TRIM66: variants seen among roughly 807,000 people sequenced by gnomAD.
TRIM66 encodes the protein tripartite motif-containing protein 66.
Under a neutral mutation model 148.2 loss-of-function variants are expected in TRIM66, and 99 were observed. That is an observed-to-expected ratio of 0.67 (90% CI 0.57 to 0.79). The LOEUF is 0.79. Among genes scored for constraint, TRIM66 ranks in the 30% least tolerant of loss-of-function variants. The pLI, the probability that TRIM66 is intolerant of heterozygous loss-of-function variation, is 0.00. For missense variants in TRIM66, 1,666 were observed against 1,697.9 expected (o/e 0.98, Z 0.33); for synonymous variants, 616 against 635.9 (o/e 0.97, Z 0.47).
At chr11:8,675,236 C>T (rs2039120578) in intron 3 of TRIM66, among the ~76,000 whole-genome samples, 1 of 152,206 alleles carries the variant, frequency 6.6e-6, no homozygotes, top group African/African-American at 2.4e-5. Context: ...CATTGAGAAG[C>T]TGCCAAATTC....
chr11:8,683,120 G>T (rs1315805115), upstream of TRIM66: 5 of 1,408,324 alleles, frequency 3.6e-6, no homozygotes, highest in Admixed American at 5.0e-5. Context: ...TGACCCACAG[G>T]CTTACAGGAC....
In TRIM66 at chr11:8,624,360, T is replaced by C. The variant is rs1373670897; in HGVS notation, c.3018A>G (p.Lys1006=). Residue 1006 remains lysine (K), a splice_region_variant and synonymous_variant, in exon 17 of 25, where the codon AAA becomes AAG. Coordinates refer to ENST00000646038, the MANE Select transcript of TRIM66 (RefSeq NM_001388022.1). ...AAGGGCAGGCTGCTTGAGTCTCACCTTTTGGGTTCTGGTACTGCTGCAGAG... is the reference window on the plus strand; with the variant it reads ...AAGGGCAGGCTGCTTGAGTCTCACCCTTTGGGTTCTGGTACTGCTGCAGAG... ...STALQQYQNP[K]ECENFEQGAL... 1 of 1,549,888 alleles carries C rather than the reference T, an allele frequency of 6.5e-7. No individual in the cohort carries two copies.
chr11:8,644,736 T>C (rs2036701216), intron 12 of TRIM66, among the ~76,000 whole-genome samples: 1 of 152,218 alleles, frequency 6.6e-6, no homozygotes, highest in Admixed American at 6.5e-5. Context: ...GGCTATGTTT[T>C]TATTTTTCTT....
rs1403526661 is a variant in TRIM66, at chr11:8,649,886, T to C, written c.446A>G (p.Asn149Ser). ...CCTCTTCTCCTTGCACTCAGAGCAG[T>C]TCTGGAAGCAGAGAGTTCTGGAGTT... ...VPTEQPKMAR[N>S]CSECKEKRAA... is the part of the protein sequence containing the mutation. Residue 149 changes from asparagine (N) to serine (S), a missense_variant and splice_region_variant, in exon 8 of 25, where the codon AAC (asparagine) becomes AGC (serine). By Grantham distance (46) the Asn-to-Ser change is conservative (BLOSUM62 1). Transcript: ENST00000646038. The C allele has an allele frequency of 2.6e-6, 4 of 1,550,478 alleles. No homozygotes were observed. Among genetic ancestry groups the C allele is most frequent in the Non-Finnish European group, 3.5e-6 (4 of 1,146,142 alleles).
At chr11:8,638,507 C>A (rs139717886) in intron 15 of TRIM66, 147 bp downstream of exon 15, 3 of 857,186 alleles carry the variant, frequency 3.5e-6, no homozygotes, top group Non-Finnish European at 5.2e-6. Context: ...TGACTCACTA[C>A]GGCAGAAGGC....
rs981928789 is a variant in TRIM66, at chr11:8,643,041, G to T, written c.1190C>A (p.Pro397His). The change falls in exon 13 of 25, where the codon CCT becomes CAT. Residue 397 changes from proline (P) to histidine (H), a missense_variant. Pro to His is a moderately conservative substitution (Grantham distance 77). This residue lies in a region of TRIM66 where 1,431 missense variants were observed against 1,412.4 expected (regional missense o/e 1.01). Transcript: ENST00000646038. ...SPWSIRFTWE[P>H]NFWTKQLASL... is the part of the protein sequence containing the mutation. The stretch of plus-strand genomic sequence containing the variant: ...AGCTAGCTGCTTGGTCCAGAAGTTA[G>T]GCTCCCAGGTGAATCTGATACTCCA... The T allele has an allele frequency of 2.6e-6, 4 of 1,551,176 alleles. No individual in the cohort carries two copies. The South Asian group carries it at 4.8e-5, about 18-fold the overall frequency.
upstream of TRIM66, chr11:8,682,829 T>G (rs780937350): frequency 6.2e-7 from 1 of 1,611,494 alleles, no homozygotes. Context: ...AGGTGTTTCG[T>G]TTCTTGCCTC....
At chr11:8,657,515 A>G (rs1304050027) in intron 6 of TRIM66, among the ~76,000 whole-genome samples, 1 of 152,152 alleles carries the variant, frequency 6.6e-6, no homozygotes, top group African/African-American at 2.4e-5. Flanking sequence ...TGTATAACAT[A>G]GGTGATACCG....
At chr11:8,647,568 T>C (rs1445499430) in intron 10 of TRIM66, among the ~76,000 whole-genome samples, 7 of 152,224 alleles carry the variant, frequency 4.6e-5, no homozygotes. Flanking sequence ...TCATGTGACT[T>C]GTAGATTTAC....
upstream of TRIM66, chr11:8,682,806 C>T (rs201404334): frequency 1.3e-5 from 21 of 1,613,294 alleles, no homozygotes; most frequent in East Asian, 1.6e-4. Flanking sequence ...TTCGTCTGGG[C>T]TGCCAACATG....
chr11:8,659,964 A>G (rs558172963), intron 6 of TRIM66, among the ~76,000 whole-genome samples: 4 of 152,092 alleles, frequency 2.6e-5, no homozygotes, highest in Admixed American at 6.6e-5. Context: ...TGCAGCCTCA[A>G]CCTCCTGGGC....
chr11:8,621,794 G>A lies in TRIM66; in HGVS notation c.3106C>T (p.Pro1036Ser). 6.5e-7 allele frequency: 1 copy of A among 1,549,802 alleles called. No individual in the cohort carries two copies. Among genetic ancestry groups the A allele is most frequent in the Non-Finnish European group, 8.7e-7 (1 of 1,146,308 alleles). ...TTGAGTCGCTCCAGTCGCACATAGG[G>A]AATCTTATGCTCACTATTGAAGGCT... ...IRAFNSEHKIPYVRLERLKIC... is the reference protein window; with the variant it reads ...IRAFNSEHKISYVRLERLKIC... Residue 1036 changes from proline (P) to serine (S), a missense_variant, in exon 19 of 25, where the codon CCC becomes TCC. Around this residue, in one of 3 missense-constraint regions of TRIM66, gnomAD observed 1,431 missense variants for 1,412.4 expected, o/e 1.01. Coordinates refer to ENST00000646038, the MANE Select transcript of TRIM66 (RefSeq NM_001388022.1).
chr11:8,645,602 G>T, intron 12 of TRIM66, 139 bp downstream of exon 12: 1 of 988,708 alleles, frequency 1.0e-6, no homozygotes, highest in Middle Eastern at 3.3e-4. Flanking sequence ...TTTGAAGGAT[G>T]GATGGAGCTG....
rs2033819623 is a variant in TRIM66 at position 8,617,867 on chromosome 11, G to A, written c.*77C>T. 1.4e-6 allele frequency: 2 copies of A among 1,385,730 alleles called. No individual in the cohort carries two copies. Among genetic ancestry groups the A allele is most frequent in the South Asian group, 2.5e-5 (2 of 80,474 alleles). The allele number at this position is 1,385,730 out of a possible 1,614,324, so 85.8% of individuals were successfully genotyped here. ...CATCTACCATCCACACTCTGAAGAG[G>A]ATAAGCTGCAAGATGGGGAGGAATG... is the stretch of plus-strand genomic sequence containing the variant. On this transcript the variant is annotated 3_prime_UTR_variant, in exon 25 of 25. Transcript: ENST00000646038.
At chr11:8,647,856 C>A in intron 10 of TRIM66, 114 bp downstream of exon 10, 3 of 820,878 alleles carry the variant, frequency 3.7e-6, no homozygotes, top group African/African-American at 1.7e-5. Context: ...ATGCCCACAT[C>A]TGCTTAACCA....
chr11:8,621,525 C>G, intron 19 of TRIM66, 120 bp downstream of exon 19: 1 of 1,365,096 alleles, frequency 7.3e-7, no homozygotes, highest in Non-Finnish European at 9.7e-7. Context: ...AACGTCTGGC[C>G]AAGCTGCAGC....
chr11:8,643,043 CTCCCAGGTGA>C lies in TRIM66; in HGVS notation c.1178_1187del (p.Phe393CysfsTer9). On this transcript the variant is annotated frameshift_variant, in exon 13 of 25. Coordinates refer to ENST00000646038, the MANE Select transcript of TRIM66 (RefSeq NM_001388022.1). LOFTEE classifies it high-confidence loss of function. Reference sequence around the variant, plus strand: ...CTAGCTGCTTGGTCCAGAAGTTAGGCTCCCAGGTGAATCTGATACTCCAAGGGGAGCCAGG... The same window carrying C: ...CTAGCTGCTTGGTCCAGAAGTTAGGCATCTGATACTCCAAGGGGAGCCAGG... 1 of 1,551,290 alleles carries C rather than the reference CTCCCAGGTGA, an allele frequency of 6.4e-7. No homozygotes were observed.
chr11:8,654,963 C>A (rs1004957312), intron 6 of TRIM66, among the ~76,000 whole-genome samples: 1 of 152,116 alleles, frequency 6.6e-6, no homozygotes, highest in Admixed American at 6.5e-5. Flanking sequence ...TGGGTTCAAG[C>A]AATTATCCCG....
chr11:8,622,365 C>CACACACACATATATATATATATATAT lies in TRIM66; in HGVS notation c.3080+450_3080+451insATATATATATATATATATGTGTGTGT. 2.1e-3 allele frequency among the ~76,000 whole-genome samples: 123 copies of CACACACACATATATATATATATATAT among 59,548 alleles called. 2 individuals are homozygous for CACACACACATATATATATATATATAT. Among genetic ancestry groups the CACACACACATATATATATATATATAT allele is most frequent in the East Asian group, 0.011 (30 of 2,830 alleles). 39.1% of individuals were successfully genotyped at this position (59,548 alleles called of 152,430 possible). ...ACACACACACACACACACACACACACATATATATATATATATATCTCCTAC... is the reference window on the plus strand; with the variant it reads ...ACACACACACACACACACACACACACACACACACATATATATATATATATATATATATATATATATATATCTCCTAC... On this transcript the variant is annotated intron_variant, in intron 18 of 24. Transcript: ENST00000646038.
Sources: allele counts gnomAD v4.1 joint callset (sites outside exome capture counted in the v4.1 genomes callset), GRCh38; gene constraint gnomAD v4.1.1; regional missense constraint gnomAD v4.1.1; transcripts MANE v1.5; gene names NCBI Gene and HGNC (gene_info 2026-07-23, HGNC 2026-07-21).